The following RASSF4 variants were observed in gnomAD, a reference collection of about 807,000 sequenced individuals.
RASSF4 encodes the protein ras association domain-containing protein 4.
A neutral mutation model predicts 41.1 loss-of-function variants in RASSF4; 38 were observed. The observed-to-expected ratio is 0.92, with a 90% CI of 0.71 to 1.21. The LOEUF (loss-of-function observed/expected upper bound fraction) is 1.21. Ranked by LOEUF, RASSF4 falls within the 50% of genes most tolerant of loss-of-function variation. RASSF4 has a pLI of 0.00. For missense variants in RASSF4, 414 were observed against 419.4 expected (o/e 0.99, Z 0.11); for synonymous variants, 179 against 163.4 (o/e 1.10, Z -0.73).
chr10:44,970,074 G>A (rs572110314), intron 1 of RASSF4, 91 bp from the exon 2 acceptor site: 10 of 766,718 alleles, frequency 1.3e-5, no homozygotes, highest in South Asian at 6.3e-5. Flanking sequence ...CAAGGCCGAC[G>A]GTGTCTGTGC....
intron 6 of RASSF4, 138 bp downstream of exon 6, chr10:44,985,108 A>G (rs927791640): frequency 1.2e-6 from 1 of 865,508 alleles, no homozygotes; most frequent in Admixed American, 2.5e-5. Flanking sequence ...GCATCCACAT[A>G]ACAGCCCCGT....
Position 44,989,652 on chromosome 10 carries a change from C to A in RASSF4, c.634-18C>A, listed in dbSNP as rs1842039592. ...TCTCCAAGCACCGTGATCTGACTTC[C>A]TGTGACTGCCTGTGCAGGTGGAAGA... On this transcript the variant is annotated intron_variant, in intron 7 of 10. Transcript: ENST00000340258. 1 of 1,613,676 alleles carries A rather than the reference C, an allele frequency of 6.2e-7. No individual in the cohort carries two copies. Among genetic ancestry groups the A allele is most frequent in the African/African-American group, 1.3e-5 (1 of 74,942 alleles).
intron 9 of RASSF4, 102 bp downstream of exon 9, chr10:44,991,171 C>G (rs1842097957): frequency 9.0e-7 from 1 of 1,111,384 alleles, no homozygotes. Flanking sequence ...CAGTTGATGT[C>G]TCCAGGAGCT....
At chr10:44,960,429 C>A (rs569214329) in intron 1 of RASSF4, among the ~76,000 whole-genome samples, 3 of 152,196 alleles carry the variant, frequency 2.0e-5, no homozygotes, top group Non-Finnish European at 4.4e-5. Context: ...CCACCTTTAC[C>A]GGATGAGTTG....
Position 44,970,271 on chromosome 10 carries a change from C to G in RASSF4, c.62+7C>G. 1.2e-6 allele frequency: 2 copies of G among 1,613,100 alleles called. No homozygotes were observed. Among genetic ancestry groups the G allele is most frequent in the Non-Finnish European group, 8.5e-7 (1 of 1,179,064 alleles). ...ACAGCAAGTCCATTCAGAAGTAAGC[C>G]TTGGTGTGCAGGTTGGGCGGGGGAG... On this transcript the variant is annotated splice_region_variant and intron_variant, in intron 2 of 10. Coordinates refer to ENST00000340258, the MANE Select transcript of RASSF4 (RefSeq NM_032023.4).
Position 44,991,905 on chromosome 10 carries a change from G to C in RASSF4, c.808G>C (p.Val270Leu). ...ADLGVEVPHE[V>L]AQYIKFEMPV... Reference sequence around the variant, plus strand: ...ATTAAAATGTTCTTGGATTTTCTAGGTCGCTCAGTACATTAAGTTTGAAAT... The same window carrying C: ...ATTAAAATGTTCTTGGATTTTCTAGCTCGCTCAGTACATTAAGTTTGAAAT... The change falls in exon 10 of 11, where the codon GTC becomes CTC. Residue 270 changes from valine (V) to leucine (L), a missense_variant and splice_region_variant. Val to Leu is a conservative substitution (Grantham distance 32). Transcript: ENST00000340258. 6.2e-7 allele frequency: 1 copy of C among 1,601,820 alleles called. No homozygotes were observed. The highest frequency in any genetic ancestry group is 2.2e-5 in the East Asian group (1 of 44,776).
intron 3 of RASSF4, among the ~76,000 whole-genome samples, chr10:44,980,217 G>A (rs1009663670): frequency 2.0e-5 from 3 of 152,202 alleles, no homozygotes; most frequent in African/African-American, 4.8e-5. Context: ...CAAAGGCATC[G>A]GGGCAGGGAG....
chr10:44,972,026 G>A (rs1055391369), intron 3 of RASSF4, among the ~76,000 whole-genome samples, 178 bp downstream of exon 3: 12 of 152,210 alleles, frequency 7.9e-5, no homozygotes, highest in Non-Finnish European at 1.3e-4. Context: ...CCAGGGACCA[G>A]GTTACCAGCA....
intron 5 of RASSF4, 53 bp downstream of exon 5, chr10:44,984,166 A>C: frequency 1.3e-6 from 2 of 1,494,764 alleles, no homozygotes; most frequent in Non-Finnish European, 1.8e-6. Context: ...GGGTAGGAGC[A>C]GAGGGGCTTG....
intron 6 of RASSF4, among the ~76,000 whole-genome samples, chr10:44,986,145 G>C (rs561825627): frequency 6.6e-6 from 1 of 152,288 alleles, no homozygotes; most frequent in Admixed American, 6.5e-5. Flanking sequence ...TATGTGCGTG[G>C]GTTTAGGTAT....
intron 3 of RASSF4, among the ~76,000 whole-genome samples, chr10:44,980,619 C>T (rs1283345036): frequency 2.6e-5 from 4 of 152,248 alleles, no homozygotes; most frequent in South Asian, 2.1e-4. Context: ...CCCCTTCACT[C>T]GTCTTCCAGG....
At position 44,990,272 on chromosome 10, in the gene RASSF4, G is replaced by T. The variant is rs139313368; in HGVS notation, c.685+551G>T. On this transcript the variant is annotated intron_variant, in intron 8 of 10. Transcript: ENST00000340258. Reference sequence around the variant, plus strand: ...TTATCTTCTCTTTCTACCCATTTAGGTTCACTGGCTGGGGCCCTGTATTTA... The same window carrying T: ...TTATCTTCTCTTTCTACCCATTTAGTTTCACTGGCTGGGGCCCTGTATTTA... Among the ~76,000 whole-genome samples, 507 of 152,306 alleles carry T rather than the reference G, an allele frequency of 3.3e-3. 5 individuals are homozygous for T. Among genetic ancestry groups the T allele is most frequent in the African/African-American group, 0.011 (475 of 41,566 alleles).
chr10:44,973,793 T>C (rs1841282140), intron 3 of RASSF4, among the ~76,000 whole-genome samples: 2 of 152,146 alleles, frequency 1.3e-5, no homozygotes, highest in South Asian at 4.1e-4. Flanking sequence ...TTGTGGTTTG[T>C]GTGTGTTGGT....
In RASSF4 at chr10:44,991,982, A is replaced by T; in HGVS notation, c.885A>T (p.Glu295Asp). The T allele has an allele frequency of 1.2e-6, 2 of 1,609,634 alleles. No homozygotes were observed. The highest frequency in any genetic ancestry group is 1.7e-6 in the Non-Finnish European group (2 of 1,176,030). The change falls in exon 10 of 11, where the codon GAA becomes GAT. Residue 295 changes from glutamate (E) to aspartate (D), a missense_variant. Coordinates refer to ENST00000340258, the MANE Select transcript of RASSF4 (RefSeq NM_032023.4). ...AATTAAAAGAAGAGGAAGAAAGAGA[A>T]ATAATCAAACTGACCATGAAGTAAG... Reference protein sequence around the residue: ...VEKLKEEEEREIIKLTMKFQA... With the variant: ...VEKLKEEEERDIIKLTMKFQA...
intron 1 of RASSF4, among the ~76,000 whole-genome samples, chr10:44,963,941 C>G (rs1312709914): frequency 6.6e-6 from 1 of 152,218 alleles, no homozygotes; most frequent in African/African-American, 2.4e-5. Context: ...TTCAAGTGGA[C>G]TCAATTTCGT....
chr10:44,988,715 C>T (rs1343304222), intron 6 of RASSF4, among the ~76,000 whole-genome samples: 2 of 152,170 alleles, frequency 1.3e-5, no homozygotes, highest in African/African-American at 4.8e-5. Context: ...GGGAAGGGAG[C>T]CGAGACTGTA....
At position 44,968,469 on chromosome 10, in the gene RASSF4, G is replaced by C. The variant is rs574968769; in HGVS notation, c.-38-1696G>C. ...TGGAGCAAGGCAGAGGGGAGGTATG[G>C]ATAGGATGATCCTGAGGTCATCAGG... is the stretch of plus-strand genomic sequence containing the variant. On this transcript the variant is annotated intron_variant, in intron 1 of 10. Transcript: ENST00000340258. Among the ~76,000 whole-genome samples the C allele has an allele frequency of 4.6e-5, 7 of 152,318 alleles. No homozygotes were observed. The South Asian group carries it at 1.5e-3, about 32-fold the overall frequency.
intron 3 of RASSF4, among the ~76,000 whole-genome samples, chr10:44,972,482 C>G (rs1841219204): frequency 6.6e-6 from 1 of 152,246 alleles, no homozygotes; most frequent in South Asian, 2.1e-4. Flanking sequence ...GATAGATTAT[C>G]TGGAATTTCA....
intron 3 of RASSF4, among the ~76,000 whole-genome samples, chr10:44,978,428 C>A (rs1841548157): frequency 6.6e-6 from 1 of 152,156 alleles, no homozygotes; most frequent in Non-Finnish European, 1.5e-5. Context: ...TATAAATACC[C>A]CTGGCCGGGA....
Sources: allele counts gnomAD v4.1 joint callset (sites outside exome capture counted in the v4.1 genomes callset), GRCh38; gene constraint gnomAD v4.1.1; transcripts MANE v1.5; gene names NCBI Gene and HGNC (gene_info 2026-07-23, HGNC 2026-07-21).